SYNE2: variants seen among roughly 807,000 people sequenced by gnomAD.
SYNE2 encodes the protein nesprin-2.
A neutral mutation model predicts 856.3 loss-of-function variants in SYNE2; 431 were observed. The ratio of observed to expected loss-of-function variants is 0.50; its 90% CI spans 0.47 to 0.55. SYNE2 has a LOEUF of 0.55. Among genes scored for constraint, SYNE2 ranks in the 20% least tolerant of loss-of-function variants. The pLI is 0.00. For synonymous variants in SYNE2, 2,923 were observed against 2,872.3 expected (o/e 1.02, Z -0.56); for missense variants, 8,129 against 8,023.2 (o/e 1.01, Z -0.50).
intron 1 of SYNE2, among the ~76,000 whole-genome samples, chr14:63,779,772 G>A (rs1269523087): frequency 4.6e-5 from 7 of 151,564 alleles, no homozygotes; most frequent in Non-Finnish European, 2.9e-5. Context: ...TTAGCCAGGC[G>A]TGGTGCCACG....
upstream of SYNE2, among the ~76,000 whole-genome samples, chr14:63,848,681 G>A (rs569946502): frequency 1.3e-5 from 2 of 152,276 alleles, no homozygotes; most frequent in East Asian, 1.9e-4. Context: ...GTAAACTGAC[G>A]TCGGTTATGG....
intron 2 of SYNE2, among the ~76,000 whole-genome samples, chr14:63,932,642 T>C (rs1203931041): frequency 6.6e-6 from 1 of 152,132 alleles, no homozygotes; most frequent in African/African-American, 2.4e-5. Context: ...AGTTCCAGGC[T>C]GCAGTGAGCT....
intron 1 of SYNE2, among the ~76,000 whole-genome samples, chr14:63,856,252 T>C (rs1162144576): frequency 6.6e-6 from 1 of 152,228 alleles, no homozygotes; most frequent in Non-Finnish European, 1.5e-5. Context: ...TGTAGCCTAT[T>C]AGCCCTTTTT....
chr14:64,219,130 C>A, intron 109 of SYNE2, 78 bp from the exon 110 acceptor site: 16 of 955,526 alleles, frequency 1.7e-5, no homozygotes, highest in Non-Finnish European at 2.0e-5. Context: ...TTTTTAACCA[C>A]CCTGACCCCT....
intron 1 of SYNE2, among the ~76,000 whole-genome samples, chr14:63,841,015 AAAAACAAAAC>A (rs545110673): frequency 1.7e-4 from 26 of 152,268 alleles, no homozygotes; most frequent in African/African-American, 5.1e-4. Context: ...ACTCTGTCTC[AAAAACAAAAC>A]AAAACAAAAC....
intron 2 of SYNE2, among the ~76,000 whole-genome samples, chr14:63,939,974 C>T (rs142392576): frequency 8.6e-4 from 130 of 151,704 alleles, no homozygotes; most frequent in Non-Finnish European, 1.2e-3. Flanking sequence ...CTTTACTAAA[C>T]GGTTTGGGCT....
intron 1 of SYNE2, among the ~76,000 whole-genome samples, chr14:63,822,993 A>G (rs1889279349): frequency 6.6e-6 from 1 of 152,008 alleles, no homozygotes; most frequent in East Asian, 1.9e-4. Flanking sequence ...AGTCCCAGCT[A>G]CTTAGGAGGC....
At position 64,081,350 on chromosome 14, in the gene SYNE2, C is replaced by T. The variant is rs185742553; in HGVS notation, c.11347-93C>T. On this transcript the variant is annotated intron_variant, in intron 56 of 115. Transcript: ENST00000555002. ...GCAGACATCTGCAAGGCCTGACACA[C>T]CCCTGACTAACAGCTATTGACTCTT... 2.1e-4 allele frequency: 319 copies of T among 1,531,472 alleles called. 1 individual carries two copies. In the African/African-American group the frequency reaches 3.6e-3, roughly 17 times the overall value. 94.9% of individuals were successfully genotyped at this position (1,531,472 alleles called of 1,614,324 possible). A position where few individuals can be genotyped will look rare whatever the true frequency, so the allele number is the denominator to read the frequency against.
At chr14:64,072,579 A>G (rs998980538) in intron 52 of SYNE2, among the ~76,000 whole-genome samples, 2 of 151,868 alleles carry the variant, frequency 1.3e-5, no homozygotes, top group Non-Finnish European at 2.9e-5. Context: ...GGCTCACTGC[A>G]AACTCGGCTT....
In SYNE2 at chr14:63,830,380, G is replaced by A. The variant is rs114727601; in HGVS notation, c.-304-22121G>A. ...TATACTTCAAAAAAATTAAAAATGG[G>A]CCAGACATGGTGGCTCATGCCTGTA... On this transcript the variant is annotated intron_variant, in intron 1 of 23. Transcript: ENST00000674003. Among the ~76,000 whole-genome samples the A allele has an allele frequency of 3.2e-3, 482 of 152,064 alleles. 3 individuals are homozygous for A. The highest frequency in any genetic ancestry group is 0.011 in the African/African-American group (462 of 41,472).
chr14:64,074,019 A>T lies in SYNE2; in HGVS notation c.10749A>T (p.Gln3583His), dbSNP rs1202921389. Residue 3583 changes from glutamine (Q) to histidine (H), a missense_variant, in exon 53 of 116, where the codon CAA becomes CAT. Physicochemically the swap from Gln to His is conservative, Grantham distance 24. Transcript: ENST00000555002. Reference sequence around the variant, plus strand: ...AAGAATTGGTGCAGACTGAAATCCAAGAAAGACATTCCTTCACAAAAGAGA... The same window carrying T: ...AAGAATTGGTGCAGACTGAAATCCATGAAAGACATTCCTTCACAAAAGAGA... Reference protein sequence around the residue: ...KNKELVQTEIQERHSFTKEII... With the variant: ...KNKELVQTEIHERHSFTKEII... 1 of 1,614,264 alleles carries T rather than the reference A, an allele frequency of 6.2e-7. No homozygotes were observed.
rs2098387803 is a variant in SYNE2, at chr14:64,167,641, T to A, written c.16905+2T>A. The A allele has an allele frequency of 1.2e-6, 2 of 1,614,144 alleles. No individual in the cohort carries two copies. The highest frequency in any genetic ancestry group is 1.7e-6 in the Non-Finnish European group (2 of 1,180,008). ...CTGGAGCAGCAGAAAACCTATAAGG[T>A]AAACCTGTGTTCTCTGCCACCCTTG... On this transcript the variant is annotated splice_donor_variant, in intron 92 of 115. Coordinates refer to ENST00000555002, the MANE Select transcript of SYNE2 (RefSeq NM_182914.3). LOFTEE classifies it high-confidence loss of function.
At position 64,022,869 on chromosome 14, in the gene SYNE2, A is replaced by C; in HGVS notation, c.5637+6A>C. ...AAAAGCTACAAAAACTTTCTGTAAGAGATATATGTGTATTTTTAATAAAAA... is the reference window on the plus strand; with the variant it reads ...AAAAGCTACAAAAACTTTCTGTAAGCGATATATGTGTATTTTTAATAAAAA... On this transcript the variant is annotated splice_donor_region_variant and intron_variant, in intron 38 of 115. Transcript: ENST00000555002. 6.9e-7 allele frequency: 1 copy of C among 1,449,392 alleles called. No homozygotes were observed. Among genetic ancestry groups the C allele is most frequent in the Non-Finnish European group, 9.7e-7 (1 of 1,035,044 alleles). 89.8% of individuals were successfully genotyped at this position (1,449,392 alleles called of 1,614,324 possible).
At chr14:63,961,001 C>G (rs2096306130) in intron 8 of SYNE2, 2 of 503,568 alleles carry the variant, frequency 4.0e-6, no homozygotes, top group East Asian at 6.1e-5. Flanking sequence ...CTGTAGAAGG[C>G]TTTCAGTAGA....
chr14:64,224,181 C>CAGAA (rs556126119), intron 113 of SYNE2, among the ~76,000 whole-genome samples: 13 of 74,748 alleles, frequency 1.7e-4, no homozygotes, highest in African/African-American at 6.6e-4. Context: ...CCCGTCTCTG[C>CAGAA]AAAAAAAAAA....
Position 63,923,788 on chromosome 14 carries a change from A to C in SYNE2, c.79+14561A>C, listed in dbSNP as rs182480772. On this transcript the variant is annotated intron_variant, in intron 2 of 115. Transcript: ENST00000555002. Reference sequence around the variant, plus strand: ...ATACTCACAGAGTTGAGCAGTCATCACATTGGATTTTAGAACTTTTTTTTT... The same window carrying C: ...ATACTCACAGAGTTGAGCAGTCATCCCATTGGATTTTAGAACTTTTTTTTT... 5.3e-5 allele frequency among the ~76,000 whole-genome samples: 8 copies of C among 152,140 alleles called. No homozygotes were observed. In the East Asian group the frequency reaches 9.7e-4, roughly 18 times the overall value.
intron 18 of SYNE2, among the ~76,000 whole-genome samples, chr14:63,985,145 C>T (rs536007571): frequency 2.2e-4 from 33 of 152,140 alleles, no homozygotes; most frequent in East Asian, 1.9e-3. Flanking sequence ...GCCTGGCCAA[C>T]GTGGTGAAAC....
intron 24 of SYNE2, 45 bp downstream of exon 24, chr14:63,997,203 C>A (rs151291755): frequency 6.3e-7 from 1 of 1,596,164 alleles, no homozygotes; most frequent in Non-Finnish European, 8.6e-7. Flanking sequence ...TAAAACGAAG[C>A]CTTTTGCACG....
chr14:64,225,099 G>A (rs2098712895), intron 115 of SYNE2, 54 bp downstream of exon 115: 2 of 1,602,012 alleles, frequency 1.2e-6, no homozygotes, highest in Non-Finnish European at 8.5e-7. Flanking sequence ...CACTCCCACT[G>A]ACTCAGTCTT....
Sources: gnomAD v4.1 joint callset for allele counts (sites outside exome capture counted in the v4.1 genomes callset) on GRCh38, gnomAD v4.1.1 for gene constraint, MANE v1.5 for transcripts, NCBI Gene and HGNC (gene_info 2026-07-23, HGNC 2026-07-21) for gene names.